The following ANO9 variants were observed in gnomAD, a reference collection of about 807,000 sequenced individuals.
ANO9 encodes the protein anoctamin 9.
In ANO9, 80 loss-of-function variants were observed where a neutral mutation model predicts 100.5. The ratio of observed to expected loss-of-function variants is 0.80; its 90% CI spans 0.66 to 0.96. The LOEUF is 0.96. Among genes scored for constraint, ANO9 ranks in the 40% least tolerant of loss-of-function variants. The probability of loss-of-function intolerance (pLI) is 0.00; values close to 1 mark genes in which losing one functional copy is unlikely to be tolerated. For missense variants in ANO9, 1,064 were observed against 1,072.7 expected (o/e 0.99, Z 0.11); for synonymous variants, 473 against 435.6 (o/e 1.09, Z -1.07).
chr11:428,264 G>A (rs927698002), intron 14 of ANO9, 65 bp from the exon 15 acceptor site: 1 of 1,606,764 alleles, frequency 6.2e-7, no homozygotes, highest in Non-Finnish European at 8.5e-7. Context: ...CAGCAGGAAG[G>A]GTCCCCTCCC....
intron 1 of ANO9, among the ~76,000 whole-genome samples, chr11:437,892 C>G (rs1590544164): frequency 6.6e-6 from 1 of 152,216 alleles, no homozygotes; most frequent in Non-Finnish European, 1.5e-5. Context: ...ATTAGAGACC[C>G]CCTCACATCA....
chr11:441,878 TG>T (rs2133729102), intron 1 of ANO9, 42 bp downstream of exon 1: 1 of 1,598,510 alleles, frequency 6.3e-7, no homozygotes. Context: ...TGGGCGTGGC[TG>T]GGGGCCTTGA....
At chr11:423,878 T>C (rs532663888) in intron 15 of ANO9, among the ~76,000 whole-genome samples, 29 of 94,772 alleles carry the variant, frequency 3.1e-4, no homozygotes, top group African/African-American at 1.5e-3. Flanking sequence ...AAATCACAGT[T>C]GAATACTCAC....
Position 419,595 on chromosome 11 carries a change from T to G in ANO9, c.1921A>C (p.Asn641His). ...YRYSPCLKEGNSTVDCLKGYV... is the reference protein window; with the variant it reads ...YRYSPCLKEGHSTVDCLKGYV... Reference sequence around the variant, plus strand: ...CTGAGGCCTTACTCGACAGTAGAGTTGCCTTCTTTCAGGCATGGGCTATAG... The same window carrying G: ...CTGAGGCCTTACTCGACAGTAGAGTGGCCTTCTTTCAGGCATGGGCTATAG... The change falls in exon 20 of 23, where the codon AAC becomes CAC. Residue 641 changes from asparagine (N) to histidine (H), a missense_variant. Coordinates refer to ENST00000332826, the MANE Select transcript of ANO9 (RefSeq NM_001012302.3). 6.2e-7 allele frequency: 1 copy of G among 1,613,396 alleles called. No homozygotes were observed. The highest frequency in any genetic ancestry group is 8.5e-7 in the Non-Finnish European group (1 of 1,179,822).
intron 1 of ANO9, among the ~76,000 whole-genome samples, chr11:436,324 C>T (rs767028178): frequency 6.6e-6 from 1 of 152,082 alleles, no homozygotes; most frequent in Non-Finnish European, 1.5e-5. Context: ...GCCTCGGCCT[C>T]CCAAAGTGCT....
In ANO9 at chr11:421,070, G is replaced by A; in HGVS notation, c.1393-28C>T. 1 of 1,592,790 alleles carries A rather than the reference G, an allele frequency of 6.3e-7. No individual in the cohort carries two copies. Among genetic ancestry groups the A allele is most frequent in the Non-Finnish European group, 8.6e-7 (1 of 1,164,566 alleles). On this transcript the variant is annotated intron_variant, in intron 16 of 22. Coordinates refer to ENST00000332826, the MANE Select transcript of ANO9 (RefSeq NM_001012302.3). This position sits in a 1 kb window ranked among gnomAD's most constrained non-coding sequence, Gnocchi z 6.8. ...GCGGGGCCAGACAGGAGGAGATCAG[G>A]GAGGGGTCCTGGGGGACGGTCAGGG...
At chr11:431,821 C>T (rs747789292) in intron 6 of ANO9, 27 bp downstream of exon 6, 1 of 1,611,956 alleles carries the variant, frequency 6.2e-7, no homozygotes, top group Non-Finnish European at 8.5e-7. Flanking sequence ...CACCCCAGGG[C>T]CCTCTCCAGG....
intron 1 of ANO9, among the ~76,000 whole-genome samples, chr11:437,830 G>A (rs1845481884): frequency 1.3e-5 from 2 of 152,206 alleles, no homozygotes; most frequent in Admixed American, 6.5e-5. Context: ...TCAGACCCAG[G>A]ATGAGGGTCC....
At position 420,945 on chromosome 11, in the gene ANO9, G is replaced by A. The variant is rs773091273; in HGVS notation, c.1490C>T (p.Pro497Leu). 6 of 1,603,466 alleles carry A rather than the reference G, an allele frequency of 3.7e-6. No homozygotes were observed. Among genetic ancestry groups the A allele is most frequent in the East Asian group, 2.2e-5 (1 of 44,610 alleles). The stretch of plus-strand genomic sequence containing the variant: ...GGGCTGGGCGGGGGTCGGCACTCAC[G>A]GGACCAGGTACTCGACGCAGTTGCT... ...TLSNCVEYLV[P>L]WVTHKCRSLR... Residue 497 changes from proline (P) to leucine (L), a missense_variant and splice_region_variant, in exon 17 of 23, where the codon CCG becomes CTG. Physicochemically the swap from Pro to Leu is moderately conservative, Grantham distance 98. Transcript: ENST00000332826.
Position 418,313 on chromosome 11 carries a change from G to A in ANO9, c.*58C>T. On this transcript the variant is annotated 3_prime_UTR_variant, in exon 23 of 23. Transcript: ENST00000332826. ...CAACACGCACAGCGGTGGGCTTGTG[G>A]GAGGTGCTGGTGGTGGCACTGTCTC... 5 of 1,461,500 alleles carry A rather than the reference G, an allele frequency of 3.4e-6. No homozygotes were observed. Among genetic ancestry groups the A allele is most frequent in the Non-Finnish European group, 4.6e-6 (5 of 1,091,434 alleles). 90.5% of individuals were successfully genotyped at this position (1,461,500 alleles called of 1,614,324 possible). A position where few individuals can be genotyped will look rare whatever the true frequency, so the allele number is the denominator to read the frequency against.
intron 18 of ANO9, 30 bp downstream of exon 18, chr11:420,688 G>A (rs761667410): frequency 1.9e-6 from 3 of 1,601,974 alleles, no homozygotes; most frequent in East Asian, 4.5e-5. Context: ...ATTCGTCTCC[G>A]CGAACCCCCG....
rs1848235503 is a variant in ANO9 at position 422,143 on chromosome 11, C to T, written c.1335-945G>A. Among the ~76,000 whole-genome samples the T allele has an allele frequency of 6.6e-6, 1 of 152,184 alleles. No homozygotes were observed. The highest frequency in any genetic ancestry group is 1.5e-5 in the Non-Finnish European group (1 of 68,026). ...GGCATGAGAAAGTATCGGTCACCCG[C>T]AGACACCAGCACAAGTTATACCATA... On this transcript the variant is annotated intron_variant, in intron 15 of 22. Coordinates refer to ENST00000332826, the MANE Select transcript of ANO9 (RefSeq NM_001012302.3). This position sits in a 1 kb window ranked among gnomAD's most constrained non-coding sequence, Gnocchi z 4.3.
At chr11:419,762 C>A in intron 19 of ANO9, 33 bp from the exon 20 acceptor site, 1 of 1,573,058 alleles carries the variant, frequency 6.4e-7, no homozygotes, top group Non-Finnish European at 8.6e-7. Context: ...CGGTCTGACT[C>A]AGCGTCCCTC....
In ANO9 at chr11:420,784, A is replaced by G. The variant is rs759810168; in HGVS notation, c.1567T>C (p.Trp523Arg). Residue 523 changes from tryptophan (W) to arginine (R), a missense_variant, in exon 18 of 23, where the codon TGG becomes CGG. By Grantham distance (101) the Trp-to-Arg change is moderately radical. Coordinates refer to ENST00000332826, the MANE Select transcript of ANO9 (RefSeq NM_001012302.3). The part of the protein sequence containing the change: ...HLPRDPELRD[W>R]RRNYLLNPVN... ...GGGTTCAGAAGGTAGTTGCGCCGCC[A>G]GTCCCTGAGCTCGGGGTCCCGGGGC... is the stretch of plus-strand genomic sequence containing the variant. 1 of 1,601,576 alleles carries G rather than the reference A, an allele frequency of 6.2e-7. No individual in the cohort carries two copies. The highest frequency in any genetic ancestry group is 1.1e-5 in the South Asian group (1 of 90,226).
intron 14 of ANO9, 78 bp downstream of exon 14, chr11:428,280 C>T: frequency 6.2e-7 from 1 of 1,607,498 alleles, no homozygotes. Flanking sequence ...CTCCCCTGCT[C>T]TCTGACCACA....
In ANO9 at chr11:441,988, G is replaced by A. The variant is rs767658887; in HGVS notation, c.-62C>T. ...GCCAGGAGAGTGGCTGCCAGCGGCG[G>A]GTGCTCCTACCTGACTTCCGCGTGG... On this transcript the variant is annotated 5_prime_UTR_variant, in exon 1 of 23. Transcript: ENST00000332826. The A allele has an allele frequency of 8.2e-6, 13 of 1,583,388 alleles. No homozygotes were observed. The highest frequency in any genetic ancestry group is 1.0e-5 in the Non-Finnish European group (12 of 1,171,540).
At chr11:419,919 C>T in intron 19 of ANO9, 190 bp from the exon 20 acceptor site, 1 of 1,407,036 alleles carries the variant, frequency 7.1e-7, no homozygotes, top group East Asian at 2.5e-5. Context: ...TCCTGCACCC[C>T]TCACCCTGAC....
chr11:421,414 A>C lies in ANO9; in HGVS notation c.1335-216T>G. Reference sequence around the variant, plus strand: ...CACAGGGGAGGCCACAGGCTCCCAGATGAACCGCACCCACACGTGGGCGCG... The same window carrying C: ...CACAGGGGAGGCCACAGGCTCCCAGCTGAACCGCACCCACACGTGGGCGCG... On this transcript the variant is annotated intron_variant, in intron 15 of 22. Transcript: ENST00000332826. The surrounding 1 kb of genome is among the most constrained non-coding windows in gnomAD (Gnocchi z 6.8). 2.3e-6 allele frequency: 1 copy of C among 440,378 alleles called. No individual in the cohort carries two copies. Among genetic ancestry groups the C allele is most frequent in the Non-Finnish European group, 4.0e-6 (1 of 252,990 alleles). 27.3% of individuals were successfully genotyped at this position (440,378 alleles called of 1,614,324 possible). A position where few individuals can be genotyped will look rare whatever the true frequency, so the allele number is the denominator to read the frequency against.
chr11:420,346 G>A, intron 19 of ANO9, 117 bp downstream of exon 19: 1 of 1,496,336 alleles, frequency 6.7e-7, no homozygotes. Flanking sequence ...GCTGGGGGCT[G>A]TCTGCGGCCT....
Sources: allele counts gnomAD v4.1 joint callset (sites outside exome capture counted in the v4.1 genomes callset), GRCh38; gene constraint gnomAD v4.1.1; non-coding constraint Gnocchi (gnomAD v3.1); transcripts MANE v1.5; gene names NCBI Gene and HGNC (gene_info 2026-07-23, HGNC 2026-07-21).